The following SND1 variants were observed in gnomAD, a reference collection of about 807,000 sequenced individuals.
SND1 encodes the protein staphylococcal nuclease and tudor domain containing 1.
A neutral mutation model predicts 121.7 loss-of-function variants in SND1; 38 were observed. That is an observed-to-expected ratio of 0.31 (90% CI 0.24 to 0.41). The LOEUF is 0.41. SND1 is among the 10% of genes least tolerant of loss of function. The probability of loss-of-function intolerance (pLI) is 1.00; values close to 1 mark genes in which losing one functional copy is unlikely to be tolerated. For synonymous variants in SND1, 401 were observed against 447.4 expected (o/e 0.90, Z 1.31); for missense variants, 868 against 1,184.6 (o/e 0.73, Z 3.92).
chr7:127,951,670 G>A (rs1801465875), intron 15 of SND1, among the ~76,000 whole-genome samples: 1 of 152,032 alleles, frequency 6.6e-6, no homozygotes, highest in Admixed American at 6.5e-5. Flanking sequence ...AGAATGTGGT[G>A]GTCCAAAACG....
chr7:127,851,398 A>C (rs1030900369), intron 12 of SND1, among the ~76,000 whole-genome samples: 4 of 152,154 alleles, frequency 2.6e-5, no homozygotes, highest in Non-Finnish European at 4.4e-5. Flanking sequence ...TCTCATTGTA[A>C]TGTTTCTCTA....
At chr7:127,661,475 C>A (rs1218152464) in intron 1 of SND1, among the ~76,000 whole-genome samples, 1 of 152,132 alleles carries the variant, frequency 6.6e-6, no homozygotes, top group Non-Finnish European at 1.5e-5. Flanking sequence ...GAGCTTCATC[C>A]CTAGGCCTTT....
At chr7:127,752,601 C>T (rs1325807438) in intron 10 of SND1, among the ~76,000 whole-genome samples, 1 of 152,060 alleles carries the variant, frequency 6.6e-6, no homozygotes, top group Non-Finnish European at 1.5e-5. Flanking sequence ...CTATAAAGGG[C>T]CAAATGATAA....
chr7:127,800,215 A>G (rs563987943), intron 10 of SND1, among the ~76,000 whole-genome samples: 3 of 152,326 alleles, frequency 2.0e-5, no homozygotes, highest in African/African-American at 7.2e-5. Context: ...GGACTGGTCC[A>G]TTATTTACTG....
At chr7:127,760,370 A>G (rs1011927447) in intron 10 of SND1, among the ~76,000 whole-genome samples, 1 of 152,226 alleles carries the variant, frequency 6.6e-6, no homozygotes, top group Admixed American at 6.5e-5. Flanking sequence ...TAAAGTGGGC[A>G]CCATAATGAT....
chr7:127,735,286 G>A (rs1464218558), intron 10 of SND1, among the ~76,000 whole-genome samples: 1 of 151,452 alleles, frequency 6.6e-6, no homozygotes, highest in African/African-American at 2.4e-5. Context: ...TGTTTTTCAG[G>A]ATTTCCACTA....
intron 1 of SND1, among the ~76,000 whole-genome samples, chr7:127,661,790 A>G (rs1242533242): frequency 6.6e-6 from 1 of 152,036 alleles, no homozygotes; most frequent in Non-Finnish European, 1.5e-5. Context: ...TGCTGTTAAA[A>G]TTTCAAGCAG....
chr7:127,871,897 G>A (rs1424257214), intron 12 of SND1, among the ~76,000 whole-genome samples: 3 of 152,132 alleles, frequency 2.0e-5, no homozygotes, highest in South Asian at 2.1e-4. Context: ...TTGGGAGGCC[G>A]AGGCAGGAAG....
At chr7:127,670,133 G>A (rs553449719) in intron 1 of SND1, among the ~76,000 whole-genome samples, 1 of 152,070 alleles carries the variant, frequency 6.6e-6, no homozygotes, top group South Asian at 2.1e-4. Context: ...TGGGATCACA[G>A]GCGTGTGCCA....
chr7:127,927,403 T>G (rs973864616), intron 14 of SND1, among the ~76,000 whole-genome samples: 1 of 152,246 alleles, frequency 6.6e-6, no homozygotes, highest in Non-Finnish European at 1.5e-5. Flanking sequence ...ATGAATAGTG[T>G]CCCAGATTTA....
In SND1 at chr7:127,703,223, A is replaced by C; in HGVS notation, c.740A>C (p.Glu247Ala). ...GAAACTCCAGAGCCTTTTGCTGCAG[A>C]AGCCAAATTTTTCACTGAGTCGCGA... Reference protein sequence around the residue: ...GSETPEPFAAEAKFFTESRLL... With the variant: ...GSETPEPFAAAAKFFTESRLL... The change falls in exon 7 of 24, where the codon GAA (glutamate) becomes GCA (alanine). Residue 247 changes from glutamate (E) to alanine (A), a missense_variant. Physicochemically the swap from Glu to Ala is moderately radical, Grantham distance 107 (BLOSUM62 -1). Transcript: ENST00000354725. The C allele has an allele frequency of 6.2e-7, 1 of 1,614,140 alleles. No homozygotes were observed. The highest frequency in any genetic ancestry group is 8.5e-7 in the Non-Finnish European group (1 of 1,180,002).
At chr7:127,878,326 A>T (rs1237929270) in intron 12 of SND1, among the ~76,000 whole-genome samples, 1 of 152,162 alleles carries the variant, frequency 6.6e-6, no homozygotes, top group East Asian at 1.9e-4. Flanking sequence ...AACTTATTAG[A>T]GAGATTCATT....
At chr7:127,704,017 G>C (rs1053663079) in intron 7 of SND1, among the ~76,000 whole-genome samples, 3 of 152,166 alleles carry the variant, frequency 2.0e-5, no homozygotes, top group African/African-American at 7.2e-5. Flanking sequence ...GAAAAATTAT[G>C]TTTTGTATTC....
At chr7:127,681,792 A>G (rs1396421652) in intron 1 of SND1, among the ~76,000 whole-genome samples, 1 of 152,238 alleles carries the variant, frequency 6.6e-6, no homozygotes, top group Non-Finnish European at 1.5e-5. Flanking sequence ...TCAGTGGGCC[A>G]TAAATGTATG....
chr7:127,807,646 A>G, intron 11 of SND1, 73 bp downstream of exon 11: 1 of 1,162,878 alleles, frequency 8.6e-7, no homozygotes, highest in Non-Finnish European at 1.3e-6. Flanking sequence ...CAATTGTTAT[A>G]AGCTGGGCCC....
chr7:127,814,712 A>G (rs181943858), intron 11 of SND1, among the ~76,000 whole-genome samples: 13 of 152,208 alleles, frequency 8.5e-5, no homozygotes, highest in East Asian at 1.9e-4. Flanking sequence ...CAGGGTTTCT[A>G]TGTAAGTGGA....
At chr7:127,847,335 T>A (rs548841824) in intron 12 of SND1, among the ~76,000 whole-genome samples, 16 of 152,284 alleles carry the variant, frequency 1.1e-4, no homozygotes, top group African/African-American at 3.8e-4. Flanking sequence ...TATTGATAAT[T>A]AAGAATCTCC....
At chr7:128,086,859 C>A in intron 20 of SND1, 79 bp from the exon 21 acceptor site, 1 of 1,192,328 alleles carries the variant, frequency 8.4e-7, no homozygotes, top group Non-Finnish European at 1.2e-6. Flanking sequence ...TCCCAGAGGC[C>A]TGGCCACAGA....
At chr7:127,714,106 G>T (rs959287697) in intron 9 of SND1, among the ~76,000 whole-genome samples, 1 of 152,084 alleles carries the variant, frequency 6.6e-6, no homozygotes, top group Non-Finnish European at 1.5e-5. Context: ...GGATGGAGTG[G>T]AATCATGTCC....
Sources: allele counts gnomAD v4.1 joint callset (sites outside exome capture counted in the v4.1 genomes callset), GRCh38; gene constraint gnomAD v4.1.1; transcripts MANE v1.5; gene names NCBI Gene and HGNC (gene_info 2026-07-23, HGNC 2026-07-21).